The following ZXDC variants were observed in gnomAD, a reference collection of about 807,000 sequenced individuals.
The protein encoded by ZXDC is ZXD family zinc finger C, also known as zinc finger protein ZXDC.
ZXDC carries 58 observed loss-of-function variants against 63.6 expected under a neutral mutation model. The observed-to-expected ratio is 0.91, with a 90% CI of 0.74 to 1.13. The LOEUF is 1.13. Among genes scored for constraint, ZXDC ranks in the 50% most tolerant of loss-of-function variants. The pLI is 0.00. For missense variants in ZXDC, 1,133 were observed against 1,148.9 expected (o/e 0.99, Z 0.20); for synonymous variants, 561 against 496.1 (o/e 1.13, Z -1.74).
intron 7 of ZXDC, chr3:126,452,410 C>T: frequency 1.0e-6 from 1 of 985,422 alleles, no homozygotes; most frequent in Non-Finnish European, 1.2e-6. Context: ...GCCATCGAGA[C>T]AGGTGCAGGA....
intron 4 of ZXDC, among the ~76,000 whole-genome samples, chr3:126,467,522 G>A (rs113329413): frequency 1.1e-4 from 16 of 152,332 alleles, no homozygotes; most frequent in Non-Finnish European, 1.6e-4. Context: ...AGCGCCTGGA[G>A]GAGGGATATT....
In ZXDC at chr3:126,460,668, A is replaced by T. The variant is rs541863442; in HGVS notation, c.2127+867T>A. The T allele has an allele frequency of 5.9e-5, 58 of 985,420 alleles. No individual in the cohort carries two copies. In the African/African-American group the frequency reaches 9.2e-4, roughly 16 times the overall value. The allele number at this position is 985,420 out of a possible 1,614,324, so 61.0% of individuals were successfully genotyped here. ...ATGGCCGCCTAAGCAAATGCCGGCA[A>T]GCATGGCTCTGCCACCGACAAGCAA... is the stretch of plus-strand genomic sequence containing the variant. On this transcript the variant is annotated intron_variant, in intron 6 of 9. Transcript: ENST00000389709.
At chr3:126,472,113 A>T (rs1935001648) in intron 2 of ZXDC, 40 bp downstream of exon 2, 1 of 1,608,974 alleles carries the variant, frequency 6.2e-7, no homozygotes, top group East Asian at 2.2e-5. Flanking sequence ...GATGAAGACA[A>T]ATCTTGGGTC....
intron 7 of ZXDC, among the ~76,000 whole-genome samples, chr3:126,447,586 G>A (rs1933928511): frequency 6.6e-6 from 1 of 152,094 alleles, no homozygotes; most frequent in African/African-American, 2.4e-5. Context: ...TGCGCCAATG[G>A]TTTGGTTTAC....
intron 7 of ZXDC, chr3:126,451,238 T>C: frequency 1.0e-6 from 1 of 985,430 alleles, no homozygotes; most frequent in Non-Finnish European, 1.2e-6. Flanking sequence ...CACCACTTCA[T>C]GCATGCATAT....
chr3:126,464,772 T>C (rs947115998), intron 5 of ZXDC, among the ~76,000 whole-genome samples: 1 of 152,160 alleles, frequency 6.6e-6, no homozygotes, highest in South Asian at 2.1e-4. Flanking sequence ...CCTGGTCATG[T>C]GGGCCTCTGT....
chr3:126,475,813 C>T lies in ZXDC; in HGVS notation c.53G>A (p.Gly18Asp), dbSNP rs1300611504. 2.8e-6 allele frequency: 3 copies of T among 1,086,644 alleles called. No individual in the cohort carries two copies. Among genetic ancestry groups the T allele is most frequent in the African/African-American group, 1.7e-5 (1 of 59,178 alleles). 67.3% of individuals were successfully genotyped at this position (1,086,644 alleles called of 1,614,324 possible). ...PAPTARGGQH[G>D]GGPGPLRRAP... The stretch of plus-strand genomic sequence containing the variant: ...TCGGCGGAGCGGGCCGGGGCCGCCG[C>T]CATGTTGCCCTCCGCGCGCAGTCGG... Residue 18 changes from glycine to aspartate, a missense_variant, in exon 1 of 10, where the codon GGC becomes GAC. By Grantham distance (94) the Gly-to-Asp change is moderately conservative. Transcript: ENST00000389709.
chr3:126,472,328 C>A, intron 1 of ZXDC, 23 bp from the exon 2 acceptor site: 1 of 1,594,874 alleles, frequency 6.3e-7, no homozygotes. Context: ...AACACAAACC[C>A]TGCTCAAAGC....
chr3:126,469,566 T>A (rs941510922), intron 4 of ZXDC, among the ~76,000 whole-genome samples: 2 of 152,186 alleles, frequency 1.3e-5, no homozygotes, highest in Non-Finnish European at 2.9e-5. Context: ...CCCTGGCTGC[T>A]TTCAATCCTG....
rs1035840200 is a variant in ZXDC, at chr3:126,453,359, C to A, written c.2212+6294G>T. On this transcript the variant is annotated intron_variant, in intron 7 of 9. Coordinates refer to ENST00000389709, the MANE Select transcript of ZXDC (RefSeq NM_025112.5). The stretch of plus-strand genomic sequence containing the variant: ...AAGGATATGTTTTCTTTGGCCCATA[C>A]CAAAAGTTTTTCTAAATCTGAATAA... 22 of 985,236 alleles carry A rather than the reference C, an allele frequency of 2.2e-5. No homozygotes were observed. In the African/African-American group the frequency reaches 3.8e-4, roughly 17 times the overall value. The allele number at this position is 985,236 out of a possible 1,614,324, so 61.0% of individuals were successfully genotyped here. A position where few individuals can be genotyped will look rare whatever the true frequency, so the allele number is the denominator to read the frequency against.
At chr3:126,465,509 T>C (rs1216897750) in intron 5 of ZXDC, among the ~76,000 whole-genome samples, 1 of 152,324 alleles carries the variant, frequency 6.6e-6, no homozygotes, top group African/African-American at 2.4e-5. Context: ...CCTTTGTTAC[T>C]TGGAGATAGA....
rs1294297357 is a variant in ZXDC, at chr3:126,441,855, G to A, written c.2304C>T (p.Ser768=). The A allele has an allele frequency of 6.2e-7, 1 of 1,613,776 alleles. No homozygotes were observed. Among genetic ancestry groups the A allele is most frequent in the Non-Finnish European group, 8.5e-7 (1 of 1,179,916 alleles). The change falls in exon 8 of 10, where the codon AGC becomes AGT. Residue 768 remains serine, a synonymous_variant. Coordinates refer to ENST00000389709, the MANE Select transcript of ZXDC (RefSeq NM_025112.5). The stretch of plus-strand genomic sequence containing the variant: ...GCCGTCCTCCGCTGGGCACCACGAG[G>A]CTCCCACACAACCAACTGTTCTGGC... ...HASQNSWLCG[S]LVVPSGGRPG...
In ZXDC at chr3:126,457,706, A is replaced by G. The variant is rs1552640; in HGVS notation, c.2212+1947T>C. 2.3e-3 allele frequency: 2,192 copies of G among 953,472 alleles called. 39 individuals are homozygous for G. The African/African-American group carries it at 0.035, about 15-fold the overall frequency. The allele number at this position is 953,472 out of a possible 1,614,324, so 59.1% of individuals were successfully genotyped here. On this transcript the variant is annotated intron_variant, in intron 7 of 9. Coordinates refer to ENST00000389709, the MANE Select transcript of ZXDC (RefSeq NM_025112.5). ...TGCGCTTTATAGACATGTCCCAGCT[A>G]TAAGTAAGAAAGGAATGACAGATTT...
chr3:126,448,512 T>C (rs1381214448), intron 7 of ZXDC, among the ~76,000 whole-genome samples: 1 of 152,032 alleles, frequency 6.6e-6, no homozygotes, highest in African/African-American at 2.4e-5. Context: ...GAGGAGCTAA[T>C]CACAGAGGGG....
intron 7 of ZXDC, among the ~76,000 whole-genome samples, chr3:126,447,786 C>T (rs562997962): frequency 2.0e-5 from 3 of 152,372 alleles, no homozygotes; most frequent in East Asian, 1.9e-4. Flanking sequence ...ACGTCTCTTG[C>T]GGCATTTGCT....
At position 126,461,761 on chromosome 3, in the gene ZXDC, G is replaced by A. The variant is rs746554568; in HGVS notation, c.1901C>T (p.Ala634Val). ...PLALTSNSNL[A>V]AHITTPTSSS... ...AGAGGTCGGTGTGGTGATATGTGCT[G>A]CTAAGTTACTATTGGAGGTCAAAGC... Residue 634 changes from alanine to valine, a missense_variant, in exon 6 of 10, where the codon GCA becomes GTA. Transcript: ENST00000389709. 4 of 1,614,110 alleles carry A rather than the reference G, an allele frequency of 2.5e-6. No homozygotes were observed. In the South Asian group the frequency reaches 4.4e-5, roughly 18 times the overall value.
At chr3:126,444,470 T>C (rs1933805149) in intron 7 of ZXDC, among the ~76,000 whole-genome samples, 1 of 151,584 alleles carries the variant, frequency 6.6e-6, no homozygotes, top group Non-Finnish European at 1.5e-5. Flanking sequence ...AGGCAGAGCT[T>C]GCAGTGAGCC....
At chr3:126,450,942 G>T (rs1295386610) in intron 7 of ZXDC, among the ~76,000 whole-genome samples, 2 of 152,120 alleles carry the variant, frequency 1.3e-5, no homozygotes, top group East Asian at 3.9e-4. Context: ...TCCCGGGGTG[G>T]CCACAACAGT....
intron 5 of ZXDC, among the ~76,000 whole-genome samples, chr3:126,463,305 G>A (rs543314225): frequency 6.6e-6 from 1 of 152,220 alleles, no homozygotes; most frequent in East Asian, 1.9e-4. Context: ...TCCTGACCTC[G>A]TGATCGGCCC....
Sources: gnomAD v4.1 joint callset for allele counts (sites outside exome capture counted in the v4.1 genomes callset) on GRCh38, gnomAD v4.1.1 for gene constraint, MANE v1.5 for transcripts, NCBI Gene and HGNC (gene_info 2026-07-23, HGNC 2026-07-21) for gene names.